The following CHD7 variants were observed in gnomAD, a reference collection of about 807,000 sequenced individuals.
CHD7 encodes the protein ATP-dependent chromatin remodeler CHD7.
A neutral mutation model predicts 307.3 loss-of-function variants in CHD7; 24 were observed. That is an observed-to-expected ratio of 0.08 (90% CI 0.06 to 0.11). The LOEUF (loss-of-function observed/expected upper bound fraction) is 0.11. Among genes scored for constraint, CHD7 ranks in the 10% least tolerant of loss-of-function variants. The probability of loss-of-function intolerance (pLI) is 1.00; values close to 1 mark genes in which losing one functional copy is unlikely to be tolerated. For missense variants in CHD7, 3,106 were observed against 3,727.1 expected (o/e 0.83, Z 4.34); for synonymous variants, 1,363 against 1,349.9 (o/e 1.01, Z -0.21).
intron 13 of CHD7, chr8:60,824,259 G>C (rs1034591256): frequency 1.4e-5 from 6 of 442,020 alleles, no homozygotes; most frequent in African/African-American, 8.0e-5. Context: ...TCACTAAAGT[G>C]AGTTTCAAGT....
intron 16 of CHD7, among the ~76,000 whole-genome samples, chr8:60,836,550 A>G (rs1197091921): frequency 6.6e-6 from 1 of 152,094 alleles, no homozygotes; most frequent in Non-Finnish European, 1.5e-5. Flanking sequence ...AATTGAAATT[A>G]TTTGTTATCT....
chr8:60,747,855 T>C (rs956648058), intron 2 of CHD7, among the ~76,000 whole-genome samples: 2 of 152,254 alleles, frequency 1.3e-5, no homozygotes, highest in African/African-American at 4.8e-5. Flanking sequence ...AGGGATCATA[T>C]GCCTTCCTGG....
At chr8:60,682,147 T>A (rs1167924011) in intron 1 of CHD7, among the ~76,000 whole-genome samples, 1 of 152,230 alleles carries the variant, frequency 6.6e-6, no homozygotes, top group African/African-American at 2.4e-5. Flanking sequence ...TAACAACGTA[T>A]TCAGTAACTT....
At chr8:60,755,413 A>G (rs1809844390) in intron 2 of CHD7, among the ~76,000 whole-genome samples, 1 of 152,120 alleles carries the variant, frequency 6.6e-6, no homozygotes, top group South Asian at 2.1e-4. Context: ...TTGAGCTTGG[A>G]GCCAGGTTTT....
intron 2 of CHD7, among the ~76,000 whole-genome samples, chr8:60,759,460 C>CCTCCCTCT (rs751141062): frequency 2.4e-3 from 347 of 144,052 alleles, no homozygotes; most frequent in Middle Eastern, 7.1e-3. Context: ...TCTCTCTCTC[C>CCTCCCTCT]CTCCCTCTCT....
At chr8:60,751,163 A>G (rs1324555894) in intron 2 of CHD7, among the ~76,000 whole-genome samples, 1 of 152,164 alleles carries the variant, frequency 6.6e-6, no homozygotes, top group Non-Finnish European at 1.5e-5. Flanking sequence ...TGGCGTTTGG[A>G]TACTTTTGGT....
Position 60,702,406 on chromosome 8 carries a change from A to G in CHD7, c.-175+23324A>G, listed in dbSNP as rs560715012. ...ACTTTGGTGTAAATATAGTTATTGTATTCATATCACATGTTGTGTCTTATA... is the reference window on the plus strand; with the variant it reads ...ACTTTGGTGTAAATATAGTTATTGTGTTCATATCACATGTTGTGTCTTATA... On this transcript the variant is annotated intron_variant, in intron 1 of 37. Coordinates refer to ENST00000423902, the MANE Select transcript of CHD7 (RefSeq NM_017780.4). Among the ~76,000 whole-genome samples, 6 of 152,262 alleles carry G rather than the reference A, an allele frequency of 3.9e-5. No homozygotes were observed. In the South Asian group the frequency reaches 1.0e-3, roughly 26 times the overall value.
At chr8:60,749,918 A>G (rs1408112609) in intron 2 of CHD7, among the ~76,000 whole-genome samples, 1 of 152,204 alleles carries the variant, frequency 6.6e-6, no homozygotes, top group Non-Finnish European at 1.5e-5. Context: ...ATTTATATAT[A>G]CTACAGCTTA....
chr8:60,755,884 G>C (rs1809866544), intron 2 of CHD7, among the ~76,000 whole-genome samples: 1 of 152,132 alleles, frequency 6.6e-6, no homozygotes, highest in Non-Finnish European at 1.5e-5. Flanking sequence ...CGTGTTCTTT[G>C]ATATCATGCT....
At chr8:60,796,737 T>C (rs529008055) in intron 4 of CHD7, among the ~76,000 whole-genome samples, 24 of 152,308 alleles carry the variant, frequency 1.6e-4, no homozygotes, top group Admixed American at 4.6e-4. Context: ...ATAGCTAATA[T>C]AAGCAACCAC....
intron 6 of CHD7, among the ~76,000 whole-genome samples, chr8:60,806,269 A>G (rs1283046519): frequency 6.6e-6 from 1 of 152,116 alleles, no homozygotes; most frequent in Non-Finnish European, 1.5e-5. Flanking sequence ...AGGCTGAGAC[A>G]GGAGAATGGC....
At chr8:60,841,285 G>A (rs970695770) in intron 19 of CHD7, among the ~76,000 whole-genome samples, 1 of 152,164 alleles carries the variant, frequency 6.6e-6, no homozygotes, top group Admixed American at 6.5e-5. Context: ...ATGCTTTCCT[G>A]TTTTATAAAT....
chr8:60,760,752 A>G (rs1333863456), intron 2 of CHD7, among the ~76,000 whole-genome samples: 1 of 151,098 alleles, frequency 6.6e-6, no homozygotes, highest in African/African-American at 2.4e-5. Context: ...AATGCTCACC[A>G]TCACTGGCCA....
intron 1 of CHD7, among the ~76,000 whole-genome samples, chr8:60,730,733 G>A (rs1400509512): frequency 5.9e-5 from 9 of 151,940 alleles, no homozygotes; most frequent in Non-Finnish European, 1.2e-4. Flanking sequence ...AGTGGCGGGC[G>A]CCTGTAATCC....
At chr8:60,851,684 T>A (rs1805462749) in intron 28 of CHD7, among the ~76,000 whole-genome samples, 1 of 152,236 alleles carries the variant, frequency 6.6e-6, no homozygotes. Flanking sequence ...TATAAAATCA[T>A]TACACAACAA....
chr8:60,818,371 AG>A (rs1307015305), intron 8 of CHD7, among the ~76,000 whole-genome samples: 3 of 152,226 alleles, frequency 2.0e-5, no homozygotes, highest in African/African-American at 7.2e-5. Context: ...GTGTAGGAAA[AG>A]TTAAGGATTT....
intron 1 of CHD7, among the ~76,000 whole-genome samples, chr8:60,686,379 C>T (rs982166545): frequency 2.6e-5 from 4 of 151,042 alleles, no homozygotes; most frequent in African/African-American, 9.7e-5. Flanking sequence ...CTTTAAAATA[C>T]ATTCTGTCAT....
intron 37 of CHD7, 192 bp downstream of exon 37, chr8:60,862,844 A>C (rs1358782809): frequency 5.7e-6 from 3 of 525,644 alleles, no homozygotes; most frequent in Non-Finnish European, 9.7e-6. Flanking sequence ...TTCATTTATC[A>C]GCTCCAATTT....
chr8:60,724,495 T>C (rs1246927668), intron 1 of CHD7, among the ~76,000 whole-genome samples: 1 of 152,190 alleles, frequency 6.6e-6, no homozygotes, highest in South Asian at 2.1e-4. Context: ...CGCTTCCAAG[T>C]AGCCTTGTGA....
Sources: allele counts gnomAD v4.1 joint callset (sites outside exome capture counted in the v4.1 genomes callset), GRCh38; gene constraint gnomAD v4.1.1; transcripts MANE v1.5; gene names NCBI Gene and HGNC (gene_info 2026-07-23, HGNC 2026-07-21).